The following KIF5B variants were observed in gnomAD, a reference collection of about 807,000 sequenced individuals.
KIF5B encodes kinesin family member 5B.
KIF5B carries 49 observed loss-of-function variants against 132.8 expected under a neutral mutation model. The ratio of observed to expected loss-of-function variants is 0.37; its 90% CI spans 0.29 to 0.47. The LOEUF is 0.47. KIF5B is among the 20% of genes least tolerant of loss of function. The probability of loss-of-function intolerance (pLI) is 1.00; values close to 1 mark genes in which losing one functional copy is unlikely to be tolerated. For missense variants in KIF5B, 780 were observed against 1,144.0 expected, an observed-to-expected ratio of 0.68 and a Z score of 4.59; for synonymous variants, 355 against 369.4, an observed-to-expected ratio of 0.96 and a Z score of 0.45.
intron 14 of KIF5B, 137 bp downstream of exon 14, chr10:32,030,936 T>C: frequency 1.6e-6 from 1 of 641,012 alleles, no homozygotes; most frequent in Non-Finnish European, 2.7e-6. Flanking sequence ...CAGAAAGAAA[T>C]GAAGTTGAAA....
intron 1 of KIF5B, among the ~76,000 whole-genome samples, chr10:32,051,330 A>C (rs1316214539): frequency 6.6e-6 from 1 of 152,224 alleles, no homozygotes; most frequent in Non-Finnish European, 1.5e-5. Context: ...AAGTGCTGGG[A>C]TTACAGGCGT....
chr10:32,037,198 C>T, intron 8 of KIF5B, 56 bp downstream of exon 8: 1 of 1,553,800 alleles, frequency 6.4e-7, no homozygotes, highest in Non-Finnish European at 8.7e-7. Context: ...ACTCCCAACT[C>T]AAACTAAAGT....
At position 32,056,132 on chromosome 10, in the gene KIF5B, G is replaced by C. The variant is rs1480991924; in HGVS notation, c.-159C>G. The C allele has an allele frequency of 1.0e-5, 8 of 793,836 alleles. No individual in the cohort carries two copies. The highest frequency in any genetic ancestry group is 1.5e-5 in the Non-Finnish European group (8 of 523,158). 49.2% of individuals were successfully genotyped at this position (793,836 alleles called of 1,614,324 possible). A position where few individuals can be genotyped will look rare whatever the true frequency, so the allele number is the denominator to read the frequency against. ...CCCGGGTGGAGGCGGCCGGGGAGCCGGGACTTGAAGAGCCGGCGCCGGCAG... is the reference window on the plus strand; with the variant it reads ...CCCGGGTGGAGGCGGCCGGGGAGCCCGGACTTGAAGAGCCGGCGCCGGCAG... On this transcript the variant is annotated 5_prime_UTR_variant, in exon 1 of 26. Coordinates refer to ENST00000302418, the MANE Select transcript of KIF5B (RefSeq NM_004521.3).
rs1460826290 is a variant in KIF5B at position 32,035,506 on chromosome 10, TTTC to T, written c.962+13_962+15del. ...GTCTATCTAAATTTAGGTTTTGTAC[TTTC>T]TTAACAACAAACCTTTGGCCAAATA... On this transcript the variant is annotated intron_variant, in intron 10 of 25. Transcript: ENST00000302418. 6.3e-7 allele frequency: 1 copy of T among 1,597,256 alleles called. No homozygotes were observed. The highest frequency in any genetic ancestry group is 1.4e-5 in the African/African-American group (1 of 73,866).
chr10:32,028,314 CTGTT>C lies in KIF5B; in HGVS notation c.1725+110_1725+113del, dbSNP rs1841358529. 4.8e-6 allele frequency: 4 copies of C among 828,770 alleles called. No individual in the cohort carries two copies. The East Asian group carries it at 7.6e-5, about 16-fold the overall frequency. 51.3% of individuals were successfully genotyped at this position (828,770 alleles called of 1,614,324 possible). The stretch of plus-strand genomic sequence containing the variant: ...GCGGTTAATAACATCTACTACACGA[CTGTT>C]TGTGAGGATGAGATCATGAATACGA... On this transcript the variant is annotated intron_variant, in intron 15 of 25. Coordinates refer to ENST00000302418, the MANE Select transcript of KIF5B (RefSeq NM_004521.3).
chr10:32,011,477 G>C lies in KIF5B; in HGVS notation c.*60C>G, dbSNP rs960701115. ...GGTTATAGTCATTGAATGACTGCTT[G>C]ATACCATGTCCTCTTCGTACTTCGA... On this transcript the variant is annotated 3_prime_UTR_variant, in exon 26 of 26. Coordinates refer to ENST00000302418, the MANE Select transcript of KIF5B (RefSeq NM_004521.3). 7.6e-5 allele frequency: 11 copies of C among 145,090 alleles called. No homozygotes were observed. Among genetic ancestry groups the C allele is most frequent in the Non-Finnish European group, 1.7e-4 (11 of 63,722 alleles). 9.0% of individuals were successfully genotyped at this position (145,090 alleles called of 1,614,324 possible).
chr10:32,034,986 T>G, intron 10 of KIF5B, 148 bp from the exon 11 acceptor site: 1 of 511,266 alleles, frequency 2.0e-6, no homozygotes, highest in Non-Finnish European at 3.1e-6. Flanking sequence ...CATATGACGT[T>G]ATTTACAACT....
intron 1 of KIF5B, among the ~76,000 whole-genome samples, chr10:32,052,788 A>G (rs923434545): frequency 6.6e-6 from 1 of 152,242 alleles, no homozygotes; most frequent in Non-Finnish European, 1.5e-5. Context: ...ATTCGATGTT[A>G]CATTTATAGC....
chr10:32,035,789 T>C, intron 9 of KIF5B, 101 bp downstream of exon 9: 2 of 1,325,580 alleles, frequency 1.5e-6, no homozygotes, highest in African/African-American at 1.5e-5. Context: ...TCAATCTCTC[T>C]TTCTCTCTCT....
chr10:32,020,736 T>A (rs573762233), intron 19 of KIF5B, among the ~76,000 whole-genome samples: 11 of 152,100 alleles, frequency 7.2e-5, no homozygotes, highest in African/African-American at 1.9e-4. Flanking sequence ...AGAATTTTTT[T>A]AAAAAAGGAA....
chr10:32,027,624 T>C (rs910010134), intron 15 of KIF5B, among the ~76,000 whole-genome samples: 3 of 151,672 alleles, frequency 2.0e-5, no homozygotes, highest in African/African-American at 7.3e-5. Flanking sequence ...TTTTTTTTTT[T>C]TTTTTTTCCA....
In KIF5B at chr10:32,031,163, T is replaced by C; in HGVS notation, c.1491A>G (p.Glu497=). 1 of 1,614,004 alleles carries C rather than the reference T, an allele frequency of 6.2e-7. No individual in the cohort carries two copies. The highest frequency in any genetic ancestry group is 8.5e-7 in the Non-Finnish European group (1 of 1,179,954). Residue 497 remains glutamate, a synonymous_variant, in exon 14 of 26, where the codon GAA becomes GAG. Transcript: ENST00000302418. ...ACTTCTGATCATAATTGACAGCAAGTTCTTCTAGGGCCTGTAAAACTTCTT... is the reference window on the plus strand; with the variant it reads ...ACTTCTGATCATAATTGACAGCAAGCTCTTCTAGGGCCTGTAAAACTTCTT... ...EVKEVLQALE[E]LAVNYDQKSQ... is the part of the protein sequence containing the mutation.
chr10:32,038,153 C>A lies in KIF5B; in HGVS notation c.498+10G>T. ...TTACAGGGTTTTCTAGACAACTGTA[C>A]TATAAATACCTTTACATAGGGAACT... On this transcript the variant is annotated intron_variant, in intron 6 of 25. Coordinates refer to ENST00000302418, the MANE Select transcript of KIF5B (RefSeq NM_004521.3). The A allele has an allele frequency of 6.6e-7, 1 of 1,516,162 alleles. No homozygotes were observed. The allele number at this position is 1,516,162 out of a possible 1,614,324, so 93.9% of individuals were successfully genotyped here.
intron 2 of KIF5B, among the ~76,000 whole-genome samples, chr10:32,043,559 T>C (rs1289888109): frequency 2.0e-5 from 3 of 152,046 alleles, no homozygotes; most frequent in African/African-American, 4.8e-5. Context: ...CAGGAAGCCA[T>C]GGTGGAAAAA....
chr10:32,040,251 C>T (rs1222873796), intron 3 of KIF5B, 133 bp downstream of exon 3: 3 of 678,660 alleles, frequency 4.4e-6, no homozygotes, highest in Non-Finnish European at 5.3e-6. Context: ...AATGATGTTA[C>T]ATGTATATTA....
In KIF5B at chr10:32,034,738, G is replaced by A. The variant is rs1270491359; in HGVS notation, c.1063C>T (p.Arg355Trp). Residue 355 changes from arginine to tryptophan, a missense_variant, in exon 11 of 26, where the codon CGG (arginine) becomes TGG (tryptophan). By Grantham distance (101) the Arg-to-Trp change is moderately radical. Coordinates refer to ENST00000302418, the MANE Select transcript of KIF5B (RefSeq NM_004521.3). ...TTTTCAAGCCACTGAATAGTGTTCC[G>A]CAGGATCTTATTTTTTTCTTTTTCT... ...EKEKEKNKIL[R>W]NTIQWLENEL... is the part of the protein sequence containing the mutation. The A allele has an allele frequency of 2.1e-5, 33 of 1,608,176 alleles. No homozygotes were observed. The highest frequency in any genetic ancestry group is 2.7e-5 in the Non-Finnish European group (32 of 1,177,492).
intron 7 of KIF5B, 44 bp from the exon 8 acceptor site, chr10:32,037,422 C>T (rs371636506): frequency 6.2e-7 from 1 of 1,604,996 alleles, no homozygotes; most frequent in African/African-American, 1.3e-5. Flanking sequence ...ACATGATTTC[C>T]CCTTAACAAT....
At chr10:32,015,686 TAGA>T (rs1369885212) in intron 24 of KIF5B, 27 bp from the exon 25 acceptor site, 3 of 1,585,382 alleles carry the variant, frequency 1.9e-6, no homozygotes, top group East Asian at 2.3e-5. Flanking sequence ...AGACAGACTT[TAGA>T]ATAAAGTTTA....
At chr10:32,055,052 A>C (rs1841735549) in intron 1 of KIF5B, among the ~76,000 whole-genome samples, 1 of 152,222 alleles carries the variant, frequency 6.6e-6, no homozygotes. Context: ...AAAAACAAAA[A>C]GTTAATACTT....
Sources: allele counts gnomAD v4.1 joint callset (sites outside exome capture counted in the v4.1 genomes callset), GRCh38; gene constraint gnomAD v4.1.1; transcripts MANE v1.5; gene names NCBI Gene and HGNC (gene_info 2026-07-23, HGNC 2026-07-21).